DPYD: variants seen among roughly 807,000 people sequenced by gnomAD.
DPYD encodes the protein dihydropyrimidine dehydrogenase [NADP(+)].
In DPYD, 109 loss-of-function variants were observed where a neutral mutation model predicts 116.2. The ratio of observed to expected loss-of-function variants is 0.94; its 90% CI spans 0.80 to 1.10. The LOEUF is 1.10. Ranked by LOEUF, DPYD falls within the 50% of genes least tolerant of loss-of-function variation. The pLI, the probability that DPYD is intolerant of heterozygous loss-of-function variation, is 0.00. For missense variants in DPYD, 1,302 were observed against 1,254.5 expected (o/e 1.04, Z -0.57); for synonymous variants, 440 against 432.0 (o/e 1.02, Z -0.23).
chr1:97,197,820 G>A (rs1300482020), intron 19 of DPYD, among the ~76,000 whole-genome samples: 1 of 152,168 alleles, frequency 6.6e-6, no homozygotes, highest in African/African-American at 2.4e-5. Context: ...AAAACCTTAA[G>A]AGGAAGGAGA....
intron 10 of DPYD, among the ~76,000 whole-genome samples, chr1:97,579,575 C>G (rs1489558586): frequency 6.6e-6 from 1 of 152,210 alleles, no homozygotes; most frequent in Non-Finnish European, 1.5e-5. Context: ...AATTAACCAG[C>G]CTTCTGTGAC....
chr1:97,233,812 C>T (rs1371889916), intron 19 of DPYD, among the ~76,000 whole-genome samples: 2 of 152,130 alleles, frequency 1.3e-5, no homozygotes, highest in African/African-American at 4.8e-5. Context: ...CTTATATCAT[C>T]AGTTTTACAT....
intron 12 of DPYD, among the ~76,000 whole-genome samples, chr1:97,528,585 A>C (rs554172624): frequency 3.3e-5 from 5 of 150,716 alleles, no homozygotes; most frequent in African/African-American, 1.2e-4. Context: ...ACATGCAAAA[A>C]CTCCTCCTCC....
chr1:97,120,272 G>T (rs922496524), intron 20 of DPYD, among the ~76,000 whole-genome samples: 1 of 152,056 alleles, frequency 6.6e-6, no homozygotes, highest in Non-Finnish European at 1.5e-5. Flanking sequence ...CCTCAATGAG[G>T]TTTCATCTTA....
At chr1:97,826,089 T>C (rs1174907054) in intron 3 of DPYD, among the ~76,000 whole-genome samples, 1 of 152,162 alleles carries the variant, frequency 6.6e-6, no homozygotes, top group Non-Finnish European at 1.5e-5. Context: ...TTTCATGCCA[T>C]AAAATTAAAT....
At chr1:97,693,347 C>G (rs1453291288) in intron 6 of DPYD, among the ~76,000 whole-genome samples, 3 of 145,522 alleles carry the variant, frequency 2.1e-5, no homozygotes, top group Non-Finnish European at 4.5e-5. Flanking sequence ...GTATCAAACA[C>G]CATAAAATCA....
chr1:97,593,375 C>A lies in DPYD; in HGVS notation c.971G>T (p.Cys324Phe). ...CCGTATCGATGGCAATGGAGAGTGACAGGCGCACATTCCTGAATGATGAAA... is the reference window on the plus strand; with the variant it reads ...CCGTATCGATGGCAATGGAGAGTGAAAGGCGCACATTCCTGAATGATGAAA... Reference protein sequence around the residue: ...AKGSKAGMCACHSPLPSIRGV... With the variant: ...AKGSKAGMCAFHSPLPSIRGV... The change falls in exon 10 of 23, where the codon TGT becomes TTT. Residue 324 changes from cysteine (C) to phenylalanine (F), a missense_variant. Physicochemically the swap from Cys to Phe is radical, Grantham distance 205. Coordinates refer to ENST00000370192, the MANE Select transcript of DPYD (RefSeq NM_000110.4). 1.2e-6 allele frequency: 2 copies of A among 1,614,102 alleles called. No homozygotes were observed.
intron 18 of DPYD, among the ~76,000 whole-genome samples, chr1:97,272,967 A>G (rs964529406): frequency 6.6e-6 from 1 of 152,112 alleles, no homozygotes; most frequent in African/African-American, 2.4e-5. Flanking sequence ...TAAATGTTAA[A>G]TCACATTTAA....
intron 19 of DPYD, among the ~76,000 whole-genome samples, chr1:97,214,316 G>T (rs1465358734): frequency 3.3e-5 from 5 of 152,110 alleles, no homozygotes; most frequent in Admixed American, 3.3e-4. Flanking sequence ...ATGAATATAA[G>T]ATTCAACTAT....
At chr1:97,911,838 C>T (rs564362829) in intron 1 of DPYD, among the ~76,000 whole-genome samples, 5 of 152,146 alleles carry the variant, frequency 3.3e-5, no homozygotes, top group South Asian at 2.1e-4. Flanking sequence ...TATCCATTCA[C>T]GACAATAATC....
At chr1:97,114,739 T>C (rs1363395695) in intron 20 of DPYD, among the ~76,000 whole-genome samples, 1 of 152,072 alleles carries the variant, frequency 6.6e-6, no homozygotes, top group East Asian at 1.9e-4. Context: ...AAGCAGATTT[T>C]CCCTGAATGA....
chr1:97,642,946 TA>T (rs1404772725), intron 8 of DPYD, among the ~76,000 whole-genome samples: 8 of 151,814 alleles, frequency 5.3e-5, no homozygotes, highest in Non-Finnish European at 8.8e-5. Context: ...AAAGATGGAT[TA>T]AAGACCGAAA....
chr1:97,879,685 T>G (rs910274800), intron 2 of DPYD, among the ~76,000 whole-genome samples: 2 of 151,952 alleles, frequency 1.3e-5, no homozygotes, highest in Non-Finnish European at 2.9e-5. Flanking sequence ...TGGGCAATAA[T>G]TTCAGAACTG....
chr1:97,526,693 G>C (rs1425233360), intron 12 of DPYD, among the ~76,000 whole-genome samples: 1 of 152,064 alleles, frequency 6.6e-6, no homozygotes, highest in South Asian at 2.1e-4. Context: ...CTGTTCAAGA[G>C]AACAGACCGT....
chr1:97,920,740 T>C, intron 1 of DPYD, 144 bp downstream of exon 1: 2 of 1,214,534 alleles, frequency 1.6e-6, no homozygotes, highest in Non-Finnish European at 2.3e-6. Context: ...GCTCCTCCGC[T>C]CCCCCGCAGA....
Position 97,203,666 on chromosome 1 carries a change from C to A in DPYD, c.2443-10418G>T, listed in dbSNP as rs1384747076. 3.7e-4 allele frequency among the ~76,000 whole-genome samples: 18 copies of A among 48,352 alleles called. 1 individual carries two copies. Among genetic ancestry groups the A allele is most frequent in the African/African-American group, 8.5e-4 (11 of 12,896 alleles). The allele number at this position is 48,352 out of a possible 152,430, so 31.7% of individuals were successfully genotyped here. On this transcript the variant is annotated intron_variant, in intron 19 of 22. Coordinates refer to ENST00000370192, the MANE Select transcript of DPYD (RefSeq NM_000110.4). ...AATAATAAAGGATGAGTTCAGACCC[C>A]CCCCCCCCAAAAAAAAAAAAAGAGA...
chr1:97,706,524 C>A (rs748273931), intron 5 of DPYD, among the ~76,000 whole-genome samples: 3 of 151,964 alleles, frequency 2.0e-5, no homozygotes, highest in Non-Finnish European at 4.4e-5. Flanking sequence ...CATATGCATC[C>A]CTCTCTCACC....
intron 13 of DPYD, among the ~76,000 whole-genome samples, chr1:97,461,711 G>T (rs775583642): frequency 3.3e-5 from 5 of 152,070 alleles, no homozygotes; most frequent in Non-Finnish European, 7.4e-5. Flanking sequence ...CTACTCAATA[G>T]CATTCTTTCA....
At chr1:97,871,799 A>G (rs947766958) in intron 2 of DPYD, among the ~76,000 whole-genome samples, 4 of 151,864 alleles carry the variant, frequency 2.6e-5, no homozygotes, top group African/African-American at 4.8e-5. Flanking sequence ...TGGTTTTTCC[A>G]TATACATTGT....
Sources: gnomAD v4.1 joint callset for allele counts (sites outside exome capture counted in the v4.1 genomes callset) on GRCh38, gnomAD v4.1.1 for gene constraint, MANE v1.5 for transcripts, NCBI Gene and HGNC (gene_info 2026-07-23, HGNC 2026-07-21) for gene names.